RAB1A: variants seen among roughly 807,000 people sequenced by gnomAD.
The protein encoded by RAB1A is ras-related protein Rab-1A.
RAB1A carries 2 observed loss-of-function variants against 26.0 expected under a neutral mutation model. The observed-to-expected ratio is 0.08, with a 90% confidence interval of 0.03 to 0.24. The LOEUF (loss-of-function observed/expected upper bound fraction) is 0.24, where lower values mean the gene tolerates loss of function less well. Ranked by LOEUF, RAB1A falls within the 10% of genes least tolerant of loss-of-function variation. The pLI, the probability that RAB1A is intolerant of heterozygous loss-of-function variation, is 1.00. For synonymous variants in RAB1A, 84 were observed against 84.9 expected (o/e 0.99, Z 0.06); for missense variants, 100 against 247.0 (o/e 0.40, Z 3.99).
chr2:65,102,829 G>A lies in RAB1A; in HGVS notation c.96+1905C>T, dbSNP rs183263503. 5.9e-3 allele frequency among the ~76,000 whole-genome samples: 903 copies of A among 151,818 alleles called. 5 individuals are homozygous for A. Among genetic ancestry groups the A allele is most frequent in the Non-Finnish European group, 9.0e-3 (613 of 67,958 alleles). ...TAATCCCAGCTACTTGGGAGGCTAC[G>A]GCAGAAGAATTGCTTGAACCCGAGA... On this transcript the variant is annotated intron_variant, in intron 2 of 5. Transcript: ENST00000409784.
Position 65,129,927 on chromosome 2 carries a change from T to TGCCGCCGCC in RAB1A, c.-21_-13dup, listed in dbSNP as rs753592329. The stretch of plus-strand genomic sequence containing the variant: ...TTCATGCTGGACATGTCACTGCAGC[T>TGCCGCCGCC]GCCGCCGCCGCCACCGCCGCCCTTG... On this transcript the variant is annotated 5_prime_UTR_variant, in exon 1 of 6. Coordinates refer to ENST00000409784, the MANE Select transcript of RAB1A (RefSeq NM_004161.5). The TGCCGCCGCC allele has an allele frequency of 1.4e-3, 2,216 of 1,585,534 alleles. 28 individuals carry two copies. The African/African-American group carries it at 0.026, about 19-fold the overall frequency.
chr2:65,101,742 C>CTTTTTTTTTTTTTTTTTTTTTTTTT (rs71401771), intron 2 of RAB1A, among the ~76,000 whole-genome samples: 2 of 70,660 alleles, frequency 2.8e-5, no homozygotes, highest in African/African-American at 1.4e-4. Context: ...GTATTACTTC[C>CTTTTTTTTTTTTTTTTTTTTTTTTT]TTTTTTTTTT....
intron 2 of RAB1A, among the ~76,000 whole-genome samples, chr2:65,103,417 GAC>G (rs2103846256): frequency 6.6e-6 from 1 of 151,892 alleles, no homozygotes; most frequent in South Asian, 2.1e-4. Context: ...TTTTGTCAAG[GAC>G]AATCTTCAAT....
intron 2 of RAB1A, among the ~76,000 whole-genome samples, chr2:65,099,429 A>G (rs191838871): frequency 1.3e-5 from 2 of 152,350 alleles, no homozygotes; most frequent in Admixed American, 1.3e-4. Flanking sequence ...CTATCATCAT[A>G]TGAACCACAA....
intron 2 of RAB1A, among the ~76,000 whole-genome samples, chr2:65,102,709 C>G (rs1199668326): frequency 6.6e-6 from 1 of 151,656 alleles, no homozygotes; most frequent in African/African-American, 2.4e-5. Context: ...AAGCGGATCA[C>G]GAAGTCAGGA....
chr2:65,104,424 C>T (rs1472887551), intron 2 of RAB1A, among the ~76,000 whole-genome samples: 1 of 152,138 alleles, frequency 6.6e-6, no homozygotes, highest in Non-Finnish European at 1.5e-5. Context: ...CATCAAGTCG[C>T]TTTCAACACA....
At chr2:65,123,220 G>C (rs1316597927) in intron 1 of RAB1A, among the ~76,000 whole-genome samples, 1 of 149,004 alleles carries the variant, frequency 6.7e-6, no homozygotes, top group African/African-American at 2.5e-5. Flanking sequence ...GCCCAGGCTG[G>C]AGTGCAGTGG....
intron 1 of RAB1A, among the ~76,000 whole-genome samples, chr2:65,108,743 T>C (rs181530654): frequency 2.3e-4 from 35 of 151,884 alleles, no homozygotes; most frequent in Admixed American, 2.1e-3. Flanking sequence ...GAGGCGGAGG[T>C]TGCAGTGAGT....
intron 3 of RAB1A, among the ~76,000 whole-genome samples, chr2:65,093,262 T>G (rs1260173378): frequency 6.6e-6 from 1 of 152,218 alleles, no homozygotes; most frequent in Admixed American, 6.5e-5. Context: ...CTTTTTCCCA[T>G]GTTTGTCTCT....
At chr2:65,102,763 T>C (rs1270578809) in intron 2 of RAB1A, among the ~76,000 whole-genome samples, 3 of 150,982 alleles carry the variant, frequency 2.0e-5, no homozygotes, top group Non-Finnish European at 4.4e-5. Flanking sequence ...CCATCTCTAC[T>C]AAAAATACAA....
At chr2:65,093,741 G>A (rs902220277) in intron 3 of RAB1A, among the ~76,000 whole-genome samples, 1 of 150,598 alleles carries the variant, frequency 6.6e-6, no homozygotes, top group Non-Finnish European at 1.5e-5. Context: ...CCCTGTCTCA[G>A]CCTCCCAAGT....
chr2:65,125,935 G>T (rs1418538498), intron 1 of RAB1A, among the ~76,000 whole-genome samples: 1 of 123,440 alleles, frequency 8.1e-6, no homozygotes, highest in Non-Finnish European at 1.6e-5. Flanking sequence ...GCAATGGTGT[G>T]ATCTCGGCTC....
chr2:65,124,399 A>G (rs563541036), intron 1 of RAB1A, among the ~76,000 whole-genome samples: 3 of 152,198 alleles, frequency 2.0e-5, no homozygotes, highest in Non-Finnish European at 4.4e-5. Context: ...TAGGAGGCAC[A>G]GTCGCTACAA....
chr2:65,092,096 A>T lies in RAB1A; in HGVS notation c.193-1018T>A, dbSNP rs373109741. ...GAGACCAGCCTGACCAACATGGTGA[A>T]ACCCTGTCTCTACTAAAAATCCAAA... On this transcript the variant is annotated intron_variant, in intron 3 of 5. Coordinates refer to ENST00000409784, the MANE Select transcript of RAB1A (RefSeq NM_004161.5). Among the ~76,000 whole-genome samples the T allele has an allele frequency of 1.0e-3, 158 of 152,220 alleles. 1 individual carries two copies. The East Asian group carries it at 0.018, about 18-fold the overall frequency.
chr2:65,089,977 A>G (rs930662222), intron 4 of RAB1A, among the ~76,000 whole-genome samples: 3 of 152,236 alleles, frequency 2.0e-5, no homozygotes, highest in Admixed American at 2.0e-4. Flanking sequence ...TTCTGGGATT[A>G]CAGGCGTGAG....
At chr2:65,117,671 ATCC>A (rs1387645990) in intron 1 of RAB1A, among the ~76,000 whole-genome samples, 2 of 151,288 alleles carry the variant, frequency 1.3e-5, no homozygotes, top group African/African-American at 2.4e-5. Flanking sequence ...GGCTCAAACG[ATCC>A]TCCTACTTCA....
In RAB1A at chr2:65,103,299, C is replaced by CCAAAAAAAAAAAAA. The variant is rs1280376062; in HGVS notation, c.96+1434_96+1435insTTTTTTTTTTTTTG. ...TTGGCAACACAGCCAGAATCTGTCT[C>CCAAAAAAAAAAAAA]AAAAAAAAAAAAAAACATTGTTTTA... On this transcript the variant is annotated intron_variant, in intron 2 of 5. Coordinates refer to ENST00000409784, the MANE Select transcript of RAB1A (RefSeq NM_004161.5). Among the ~76,000 whole-genome samples the CCAAAAAAAAAAAAA allele has an allele frequency of 2.5e-3, 108 of 44,080 alleles. 2 individuals are homozygous for CCAAAAAAAAAAAAA. Among genetic ancestry groups the CCAAAAAAAAAAAAA allele is most frequent in the African/African-American group, 8.1e-3 (104 of 12,908 alleles). The allele number at this position is 44,080 out of a possible 152,430, so 28.9% of individuals were successfully genotyped here.
At chr2:65,104,655 G>C (rs1324688402) in intron 2 of RAB1A, 79 bp downstream of exon 2, 1 of 1,086,110 alleles carries the variant, frequency 9.2e-7, no homozygotes, top group Non-Finnish European at 1.3e-6. Context: ...GAATAAAACT[G>C]TTTAATTTTA....
chr2:65,117,259 G>T (rs1669847103), intron 1 of RAB1A, among the ~76,000 whole-genome samples: 1 of 151,884 alleles, frequency 6.6e-6, no homozygotes, highest in African/African-American at 2.4e-5. Flanking sequence ...TTAGAGACAG[G>T]GTCTTCATAT....
Sources: allele counts gnomAD v4.1 joint callset (sites outside exome capture counted in the v4.1 genomes callset), GRCh38; gene constraint gnomAD v4.1.1; transcripts MANE v1.5; gene names NCBI Gene and HGNC (gene_info 2026-07-23, HGNC 2026-07-21).